The following EYS variants were observed in gnomAD, a reference collection of about 807,000 sequenced individuals.
The protein encoded by EYS is protein eyes shut homolog.
EYS carries 250 observed loss-of-function variants against 282.1 expected under a neutral mutation model. The observed-to-expected ratio is 0.89, with a 90% CI of 0.80 to 0.98. The LOEUF (loss-of-function observed/expected upper bound fraction) is 0.98, where lower values mean the gene tolerates loss of function less well. EYS is among the 50% of genes least tolerant of loss of function. The probability of loss-of-function intolerance (pLI) is 0.00; values close to 1 mark genes in which losing one functional copy is unlikely to be tolerated. For synonymous variants in EYS, 1,355 were observed against 1,282.9 expected (o/e 1.06, Z -1.20); for missense variants, 4,016 against 3,709.0 (o/e 1.08, Z -2.15).
chr6:64,725,398 A>T (rs1771719702), intron 22 of EYS, among the ~76,000 whole-genome samples: 1 of 152,046 alleles, frequency 6.6e-6, no homozygotes. Flanking sequence ...CCATCAGAAT[A>T]GGGGCTAATC....
chr6:64,845,892 T>C (rs376089001), intron 19 of EYS, among the ~76,000 whole-genome samples: 32 of 152,250 alleles, frequency 2.1e-4, no homozygotes, highest in African/African-American at 4.3e-4. Flanking sequence ...CTAATACTTT[T>C]ATAAGTCTGC....
intron 11 of EYS, among the ~76,000 whole-genome samples, chr6:65,316,007 A>G (rs1420658121): frequency 3.3e-5 from 5 of 152,170 alleles, no homozygotes; most frequent in African/African-American, 1.2e-4. Flanking sequence ...TTCTCTGACT[A>G]CAAATAAGAT....
At chr6:63,897,470 T>TA (rs1413352618) in intron 35 of EYS, among the ~76,000 whole-genome samples, 1 of 151,320 alleles carries the variant, frequency 6.6e-6, no homozygotes, top group East Asian at 1.9e-4. Flanking sequence ...ACCACAGAGA[T>TA]AGAGATTGGA....
chr6:65,605,534 C>A (rs1472473757), intron 2 of EYS, among the ~76,000 whole-genome samples: 2 of 151,712 alleles, frequency 1.3e-5, no homozygotes, highest in African/African-American at 4.8e-5. Context: ...TTTGATTCAG[C>A]AATTCAAATT....
chr6:64,650,477 G>A (rs892389212), intron 22 of EYS, among the ~76,000 whole-genome samples: 1 of 151,984 alleles, frequency 6.6e-6, no homozygotes, highest in South Asian at 2.1e-4. Context: ...TTACATGAAA[G>A]ATGAGCTGGT....
At chr6:64,849,817 A>T (rs1028539266) in intron 19 of EYS, among the ~76,000 whole-genome samples, 14 of 151,858 alleles carry the variant, frequency 9.2e-5, no homozygotes, top group Non-Finnish European at 1.3e-4. Context: ...TAATATCACC[A>T]AAGAAAGACT....
intron 13 of EYS, among the ~76,000 whole-genome samples, chr6:65,027,159 A>G (rs1443997940): frequency 6.6e-6 from 1 of 152,212 alleles, no homozygotes; most frequent in East Asian, 1.9e-4. Flanking sequence ...TACCCCAAAG[A>G]GTATGATGTT....
chr6:64,143,637 G>A (rs1774416790), intron 31 of EYS, among the ~76,000 whole-genome samples: 1 of 152,132 alleles, frequency 6.6e-6, no homozygotes, highest in East Asian at 1.9e-4. Flanking sequence ...CAGAAAACTG[G>A]GTCTCTCTCT....
rs117715218 is a variant in EYS, at chr6:65,460,575, A to C, written c.862+30019T>G. ...ATAATGGAAAAAATGAGATTAAATC[A>C]AAATTAGTTCTATTTAGCTCAGATT... On this transcript the variant is annotated intron_variant, in intron 5 of 42. Coordinates refer to ENST00000503581, the MANE Select transcript of EYS (RefSeq NM_001142800.2). Among the ~76,000 whole-genome samples, 884 of 152,142 alleles carry C rather than the reference A, an allele frequency of 5.8e-3. 11 individuals carry two copies. Among genetic ancestry groups the C allele is most frequent in the East Asian group, 0.035 (181 of 5,170 alleles).
At chr6:64,652,608 C>T (rs7752878) in intron 22 of EYS, among the ~76,000 whole-genome samples, 97,297 of 152,026 alleles carry the variant, frequency 0.64, 31,367 homozygotes, top group African/African-American at 0.71. Flanking sequence ...CACGCCATGC[C>T]TGAACTTCTA....
intron 28 of EYS, among the ~76,000 whole-genome samples, chr6:64,396,910 G>C (rs1054966304): frequency 6.6e-6 from 1 of 151,978 alleles, no homozygotes; most frequent in African/African-American, 2.4e-5. Flanking sequence ...GTGCATGCAT[G>C]TGTGTGCACA....
intron 12 of EYS, among the ~76,000 whole-genome samples, chr6:65,186,780 G>A (rs954601486): frequency 2.0e-5 from 3 of 151,684 alleles, no homozygotes; most frequent in African/African-American, 4.8e-5. Context: ...TAGCATCACA[G>A]TACTTGAAGA....
chr6:65,371,737 CTCTCTGTGTGTGTG>C (rs1459540365), intron 8 of EYS, among the ~76,000 whole-genome samples: 7 of 43,454 alleles, frequency 1.6e-4, no homozygotes, highest in African/African-American at 4.3e-4. Flanking sequence ...CTCTCTCTCT[CTCTCTGTGTGTGTG>C]TGTGTGTGTG....
chr6:63,980,642 C>A lies in EYS; in HGVS notation c.7055+3741G>T, dbSNP rs181057275. ...TGAATCCAGAAAGGCTGAATATTAA[C>A]ACATCTTATTGAAATTGATCTGCTA... On this transcript the variant is annotated intron_variant, in intron 35 of 42. Coordinates refer to ENST00000503581, the MANE Select transcript of EYS (RefSeq NM_001142800.2). Among the ~76,000 whole-genome samples, 367 of 151,986 alleles carry A rather than the reference C, an allele frequency of 2.4e-3. 1 individual carries two copies. Among genetic ancestry groups the A allele is most frequent in the Middle Eastern group, 6.8e-3 (2 of 294 alleles).
intron 31 of EYS, among the ~76,000 whole-genome samples, chr6:64,082,227 A>G (rs1381896298): frequency 9.2e-5 from 14 of 152,128 alleles, no homozygotes; most frequent in Admixed American, 9.2e-4. Context: ...AAGAGTTATA[A>G]TTTGATGTTT....
chr6:65,691,701 C>T lies in EYS; in HGVS notation c.-448+15434G>A, dbSNP rs915713329. On this transcript the variant is annotated intron_variant, in intron 1 of 42. Transcript: ENST00000503581. ...GTATTGCCTAGGTTTTCTTCTAGGGCTTTAGGGTTTTAGGTCTTACATTTA... is the reference window on the plus strand; with the variant it reads ...GTATTGCCTAGGTTTTCTTCTAGGGTTTTAGGGTTTTAGGTCTTACATTTA... Among the ~76,000 whole-genome samples the T allele has an allele frequency of 1.9e-4, 28 of 150,164 alleles. 1 individual carries two copies. Among genetic ancestry groups the T allele is most frequent in the South Asian group, 4.3e-4 (2 of 4,704 alleles).
intron 5 of EYS, among the ~76,000 whole-genome samples, chr6:65,427,708 A>G (rs1394455247): frequency 1.3e-5 from 2 of 152,134 alleles, no homozygotes; most frequent in Non-Finnish European, 2.9e-5. Context: ...ATGCTGAATT[A>G]TATCATTCAG....
intron 29 of EYS, among the ~76,000 whole-genome samples, chr6:64,387,656 A>T (rs1355645746): frequency 6.6e-6 from 1 of 152,166 alleles, no homozygotes; most frequent in Admixed American, 6.5e-5. Context: ...TGGAACTTTT[A>T]GAATGGTTTC....
chr6:64,527,951 T>C (rs1050943362), intron 26 of EYS, among the ~76,000 whole-genome samples: 1 of 151,764 alleles, frequency 6.6e-6, no homozygotes, highest in Non-Finnish European at 1.5e-5. Context: ...TGAGAATTAT[T>C]TCATTTGGAG....
Sources: allele counts gnomAD v4.1 joint callset (sites outside exome capture counted in the v4.1 genomes callset), GRCh38; gene constraint gnomAD v4.1.1; transcripts MANE v1.5; gene names NCBI Gene and HGNC (gene_info 2026-07-23, HGNC 2026-07-21).